The following GLRA3 variants were observed in gnomAD, a reference collection of about 807,000 sequenced individuals.
The protein encoded by GLRA3 is glycine receptor alpha 3, also known as glycine receptor subunit alpha-3.
GLRA3 carries 44 observed loss-of-function variants against 60.4 expected under a neutral mutation model. The ratio of observed to expected loss-of-function variants is 0.73; its 90% CI spans 0.57 to 0.94. The LOEUF is 0.94. Ranked by LOEUF, GLRA3 falls within the 40% of genes least tolerant of loss-of-function variation. The pLI is 0.00. For missense variants in GLRA3, 508 were observed against 564.6 expected, an observed-to-expected ratio of 0.90 and a Z score of 1.02; for synonymous variants, 223 against 192.9, an observed-to-expected ratio of 1.16 and a Z score of -1.29.
chr4:174,761,106 A>G lies in GLRA3; in HGVS notation c.267+5857T>C, dbSNP rs77064701. Among the ~76,000 whole-genome samples the G allele has an allele frequency of 5.2e-3, 799 of 152,266 alleles. 4 individuals are homozygous for G. Among genetic ancestry groups the G allele is most frequent in the Non-Finnish European group, 8.3e-3 (564 of 67,996 alleles). On this transcript the variant is annotated intron_variant, in intron 3 of 9. Transcript: ENST00000274093. Reference sequence around the variant, plus strand: ...ATGTATTTGTACTGTTTAATTTCTTAAGATGGTGATAGTTTTTTTTAGTGT... The same window carrying G: ...ATGTATTTGTACTGTTTAATTTCTTGAGATGGTGATAGTTTTTTTTAGTGT...
chr4:174,713,785 CTCT>C (rs1352278598), intron 5 of GLRA3: 7 of 152,110 alleles, frequency 4.6e-5, no homozygotes, highest in African/African-American at 1.7e-4. Context: ...CTACATTCGC[CTCT>C]TCAGCTATTT....
At chr4:174,797,915 C>A (rs562670899) in intron 1 of GLRA3, among the ~76,000 whole-genome samples, 2 of 150,366 alleles carry the variant, frequency 1.3e-5, no homozygotes, top group East Asian at 1.9e-4. Flanking sequence ...CAGAGTGAGA[C>A]CCTATCTCAA....
Position 174,705,164 on chromosome 4 carries a change from G to A in GLRA3, c.574+10324C>T, listed in dbSNP as rs777554600. 2.4e-4 allele frequency among the ~76,000 whole-genome samples: 34 copies of A among 143,914 alleles called. 4 individuals are homozygous for A. The highest frequency in any genetic ancestry group is 4.5e-4 in the Non-Finnish European group (29 of 64,760). The allele number at this position is 143,914 out of a possible 152,430, so 94.4% of individuals were successfully genotyped here. ...TGCAATTGTAGCAGAGTTAAGAGGC[G>A]AGACCTTTAACAGGAGATTGGGTCA... On this transcript the variant is annotated intron_variant, in intron 5 of 9. Transcript: ENST00000274093.
At chr4:174,709,864 AT>A (rs1190422269) in intron 5 of GLRA3, among the ~76,000 whole-genome samples, 1 of 151,962 alleles carries the variant, frequency 6.6e-6, no homozygotes, top group Non-Finnish European at 1.5e-5. Context: ...TTTTATTTTG[AT>A]TTTTAAATGG....
At chr4:174,666,777 A>ATATATTATATATATATATATATATG (rs1554010211) in intron 7 of GLRA3, among the ~76,000 whole-genome samples, 1 of 144,246 alleles carries the variant, frequency 6.9e-6, no homozygotes, top group Non-Finnish European at 1.5e-5. Context: ...ATATATATAT[A>ATATATTATATATATATATATATATG]TATAATTGGA....
intron 1 of GLRA3, among the ~76,000 whole-genome samples, chr4:174,818,086 G>A (rs1740583009): frequency 6.6e-6 from 1 of 152,108 alleles, no homozygotes; most frequent in Non-Finnish European, 1.5e-5. Context: ...TCAGTCTATA[G>A]AAAAGTCACT....
chr4:174,769,297 A>G (rs1033020963), intron 2 of GLRA3, among the ~76,000 whole-genome samples: 2 of 152,112 alleles, frequency 1.3e-5, no homozygotes, highest in African/African-American at 4.8e-5. Flanking sequence ...TTTTGTATGA[A>G]AAAAGGCTTG....
intron 9 of GLRA3, among the ~76,000 whole-genome samples, chr4:174,656,204 A>G (rs1733197287): frequency 6.6e-6 from 1 of 152,050 alleles, no homozygotes; most frequent in Non-Finnish European, 1.5e-5. Context: ...TTATTTGATA[A>G]TTTCAAAGGA....
At chr4:174,675,689 T>C (rs192368153) in intron 7 of GLRA3, among the ~76,000 whole-genome samples, 1 of 152,176 alleles carries the variant, frequency 6.6e-6, no homozygotes, top group Non-Finnish European at 1.5e-5. Context: ...AATTTTCACA[T>C]GAAAAATATT....
chr4:174,796,751 G>T (rs989395305), intron 1 of GLRA3, among the ~76,000 whole-genome samples: 1 of 151,874 alleles, frequency 6.6e-6, no homozygotes, highest in East Asian at 1.9e-4. Context: ...TGGCCAAGAT[G>T]GTCTGGATCT....
intron 3 of GLRA3, among the ~76,000 whole-genome samples, chr4:174,739,109 T>C (rs1198637041): frequency 1.3e-5 from 2 of 152,360 alleles, no homozygotes; most frequent in Middle Eastern, 3.4e-3. Flanking sequence ...TAGTTTGCTA[T>C]GCAGCAACAA....
intron 9 of GLRA3, among the ~76,000 whole-genome samples, chr4:174,653,307 ATCTG>A (rs1733085482): frequency 6.6e-6 from 1 of 152,036 alleles, no homozygotes; most frequent in African/African-American, 2.4e-5. Context: ...TTTCTAAAAT[ATCTG>A]TCTAAAATAA....
intron 5 of GLRA3, among the ~76,000 whole-genome samples, chr4:174,706,992 T>C (rs996382765): frequency 6.6e-6 from 1 of 152,210 alleles, no homozygotes. Context: ...TATCATATTA[T>C]AATCTTATTA....
chr4:174,681,973 G>A (rs183895542), intron 6 of GLRA3, among the ~76,000 whole-genome samples: 117 of 152,334 alleles, frequency 7.7e-4, no homozygotes, highest in Middle Eastern at 6.8e-3. Flanking sequence ...GGAGATAAGA[G>A]AGACTAGGGA....
intron 4 of GLRA3, among the ~76,000 whole-genome samples, chr4:174,717,237 G>A (rs560363702): frequency 7.3e-6 from 1 of 136,070 alleles, no homozygotes; most frequent in Admixed American, 7.6e-5. Flanking sequence ...AGAAAGGAAG[G>A]CATGCAGGAA....
chr4:174,681,195 G>T (rs1338807010), intron 6 of GLRA3, among the ~76,000 whole-genome samples: 1 of 152,102 alleles, frequency 6.6e-6, no homozygotes, highest in Non-Finnish European at 1.5e-5. Context: ...CCTTTAAGCT[G>T]TAATAGCTCA....
intron 1 of GLRA3, among the ~76,000 whole-genome samples, chr4:174,790,117 A>G (rs539953332): frequency 6.6e-6 from 1 of 152,332 alleles, no homozygotes; most frequent in Non-Finnish European, 1.5e-5. Context: ...CTGTAAGCAC[A>G]GAATCACAAA....
intron 1 of GLRA3, among the ~76,000 whole-genome samples, chr4:174,822,790 T>C (rs1448984733): frequency 6.6e-6 from 1 of 152,346 alleles, no homozygotes; most frequent in East Asian, 1.9e-4. Context: ...GTAAGCTTTT[T>C]CCAGAGACCT....
intron 1 of GLRA3, among the ~76,000 whole-genome samples, chr4:174,817,669 A>C (rs1740563860): frequency 6.6e-6 from 1 of 152,058 alleles, no homozygotes; most frequent in Non-Finnish European, 1.5e-5. Flanking sequence ...GTGCAGTGTC[A>C]CTATCTCGGC....
Sources: allele counts gnomAD v4.1 joint callset (sites outside exome capture counted in the v4.1 genomes callset), GRCh38; gene constraint gnomAD v4.1.1; transcripts MANE v1.5; gene names NCBI Gene and HGNC (gene_info 2026-07-23, HGNC 2026-07-21).